Variants in BICD1 observed in about 807,000 individuals in gnomAD.
BICD1 encodes the protein protein bicaudal D homolog 1.
Under a neutral mutation model 92.5 loss-of-function variants are expected in BICD1, and 35 were observed. That is an observed-to-expected ratio of 0.38 (90% CI 0.29 to 0.50). BICD1 has a LOEUF of 0.50. BICD1 is among the 20% of genes least tolerant of loss of function. The probability of loss-of-function intolerance (pLI) is 0.93; values close to 1 mark genes in which losing one functional copy is unlikely to be tolerated. For missense variants in BICD1, 950 were observed against 1,189.8 expected, an observed-to-expected ratio of 0.80 and a Z score of 2.97; for synonymous variants, 429 against 465.1, an observed-to-expected ratio of 0.92 and a Z score of 1.00.
intron 2 of BICD1, among the ~76,000 whole-genome samples, chr12:32,271,172 A>AT (rs1423453983): frequency 6.6e-6 from 1 of 152,048 alleles, no homozygotes; most frequent in East Asian, 1.9e-4. Context: ...CAAACACTCC[A>AT]TTTTCTCCCT....
intron 2 of BICD1, among the ~76,000 whole-genome samples, chr12:32,256,501 A>G (rs1946724179): frequency 1.3e-5 from 2 of 152,246 alleles, no homozygotes; most frequent in Non-Finnish European, 2.9e-5. Flanking sequence ...TAGAGCTGAG[A>G]TTTACCCAGT....
intron 1 of BICD1, among the ~76,000 whole-genome samples, chr12:32,153,854 A>G (rs920564558): frequency 6.6e-6 from 1 of 151,128 alleles, no homozygotes; most frequent in Non-Finnish European, 1.5e-5. Flanking sequence ...TATGTAATAA[A>G]CATCATGTAT....
At chr12:32,159,350 G>C (rs1462184358) in intron 1 of BICD1, among the ~76,000 whole-genome samples, 1 of 152,138 alleles carries the variant, frequency 6.6e-6, no homozygotes, top group East Asian at 1.9e-4. Context: ...CAGGCATGCT[G>C]ACAGCAAAAA....
intron 9 of BICD1, 21 bp from the exon 10 acceptor site, chr12:32,377,519 G>C: frequency 6.2e-7 from 1 of 1,601,902 alleles, no homozygotes; most frequent in Non-Finnish European, 8.6e-7. Context: ...TCTTGCTGAC[G>C]TGCTTGTTTC....
chr12:32,317,159 A>G (rs1445151182), intron 4 of BICD1, among the ~76,000 whole-genome samples: 2 of 152,218 alleles, frequency 1.3e-5, no homozygotes, highest in Non-Finnish European at 2.9e-5. Flanking sequence ...TAGTGCCACA[A>G]TAAACATACG....
chr12:32,344,846 C>G (rs1263866239), intron 8 of BICD1, among the ~76,000 whole-genome samples: 2 of 152,124 alleles, frequency 1.3e-5, no homozygotes, highest in Non-Finnish European at 2.9e-5. Flanking sequence ...AATTCTTGAA[C>G]TAGTAGGAGT....
chr12:32,292,541 G>T (rs1947753211), intron 2 of BICD1, among the ~76,000 whole-genome samples: 1 of 152,122 alleles, frequency 6.6e-6, no homozygotes, highest in Admixed American at 6.5e-5. Context: ...ATTGTATGTA[G>T]TCTTTTGCAT....
intron 4 of BICD1, among the ~76,000 whole-genome samples, chr12:32,308,346 C>G (rs1352024638): frequency 6.6e-6 from 1 of 152,174 alleles, no homozygotes; most frequent in South Asian, 2.1e-4. Context: ...TTCAAATGCT[C>G]TGAGAGTCAG....
At chr12:32,244,809 A>G (rs1471168068) in intron 2 of BICD1, among the ~76,000 whole-genome samples, 1 of 151,960 alleles carries the variant, frequency 6.6e-6, no homozygotes, top group Non-Finnish European at 1.5e-5. Flanking sequence ...TTGTATTTTT[A>G]GTAGAAATGG....
At chr12:32,132,919 C>T (rs985826280) in intron 1 of BICD1, among the ~76,000 whole-genome samples, 2 of 152,064 alleles carry the variant, frequency 1.3e-5, no homozygotes, top group Non-Finnish European at 2.9e-5. Context: ...AGAGAATCTA[C>T]TTGAGGGTAA....
At position 32,328,271 on chromosome 12, in the gene BICD1, G is replaced by A; in HGVS notation, c.1816G>A (p.Ala606Thr). ...CCCCACAATCTCTCCTGTTATTACTGCCCCACCGTCATCTCCAGTATTGGA... is the reference window on the plus strand; with the variant it reads ...CCCCACAATCTCTCCTGTTATTACTACCCCACCGTCATCTCCAGTATTGGA... ...KTPTISPVIT[A>T]PPSSPVLDTS... The change falls in exon 5 of 10, where the codon GCC becomes ACC. Residue 606 changes from alanine (A) to threonine (T), a missense_variant. By Grantham distance (58) the Ala-to-Thr change is moderately conservative. Around this residue, in one of 5 missense-constraint regions of BICD1, gnomAD observed 309 missense variants for 499.4 expected, o/e 0.62. Transcript: ENST00000652176. This position sits in a 1 kb window ranked among gnomAD's most constrained non-coding sequence, Gnocchi z 4.4. 3 of 1,614,120 alleles carry A rather than the reference G, an allele frequency of 1.9e-6. No individual in the cohort carries two copies. The highest frequency in any genetic ancestry group is 2.5e-6 in the Non-Finnish European group (3 of 1,180,008).
chr12:32,376,737 G>A (rs969021935), intron 9 of BICD1, among the ~76,000 whole-genome samples: 18 of 151,962 alleles, frequency 1.2e-4, no homozygotes, highest in African/African-American at 3.6e-4. Context: ...GCATGGTAGT[G>A]CATGCATGTA....
At chr12:32,192,494 A>C (rs1040825468) in intron 1 of BICD1, among the ~76,000 whole-genome samples, 5 of 152,118 alleles carry the variant, frequency 3.3e-5, no homozygotes, top group Admixed American at 2.6e-4. Flanking sequence ...AAAGCAAAAA[A>C]ACCTATTACT....
At chr12:32,148,572 A>G (rs533388126) in intron 1 of BICD1, among the ~76,000 whole-genome samples, 1 of 152,282 alleles carries the variant, frequency 6.6e-6, no homozygotes, top group Non-Finnish European at 1.5e-5. Context: ...ATGAATCATG[A>G]CCTGAATCAT....
chr12:32,181,611 C>T (rs572651806), intron 1 of BICD1, among the ~76,000 whole-genome samples: 10 of 151,922 alleles, frequency 6.6e-5, no homozygotes, highest in Non-Finnish European at 1.5e-4. Flanking sequence ...AGCTGGTTAT[C>T]TTATGCTCTA....
intron 6 of BICD1, among the ~76,000 whole-genome samples, chr12:32,336,647 A>C (rs1938139023): frequency 6.6e-6 from 1 of 152,244 alleles, no homozygotes; most frequent in African/African-American, 2.4e-5. Context: ...CATAGCCTAT[A>C]ATAAACTTGT....
intron 6 of BICD1, among the ~76,000 whole-genome samples, chr12:32,336,016 C>CA (rs1565680058): frequency 6.6e-6 from 1 of 151,916 alleles, no homozygotes; most frequent in Admixed American, 6.6e-5. Context: ...TAAAAACAAA[C>CA]AAAAAAAGAT....
In BICD1 at chr12:32,110,603, G is replaced by A. The variant is rs2121129073; in HGVS notation, c.213+3059G>A. ...ATGTTCAGGGCCTGGCTGATTATAT[G>A]TTTGGGATGTACGTAAATCAGCACT... is the stretch of plus-strand genomic sequence containing the variant. On this transcript the variant is annotated intron_variant, in intron 1 of 9. Coordinates refer to ENST00000652176, the MANE Select transcript of BICD1 (RefSeq NM_001714.4). Among the ~76,000 whole-genome samples the A allele has an allele frequency of 2.0e-5, 3 of 152,264 alleles. No individual in the cohort carries two copies. The Middle Eastern group carries it at 0.01, about 518-fold the overall frequency.
chr12:32,246,029 CAAAAAA>C (rs71068311), intron 2 of BICD1, among the ~76,000 whole-genome samples: 1 of 44,094 alleles, frequency 2.3e-5, no homozygotes, highest in Non-Finnish European at 3.7e-5. Context: ...TACTCTGTCT[CAAAAAA>C]AAAAAAAAAA....
Sources: allele counts gnomAD v4.1 joint callset (sites outside exome capture counted in the v4.1 genomes callset), GRCh38; gene constraint gnomAD v4.1.1; regional missense constraint gnomAD v4.1.1; non-coding constraint Gnocchi (gnomAD v3.1); transcripts MANE v1.5; gene names NCBI Gene and HGNC (gene_info 2026-07-23, HGNC 2026-07-21).